CNTN5: variants seen among roughly 807,000 people sequenced by gnomAD.
CNTN5 encodes the protein contactin-5.
Under a neutral mutation model 129.1 loss-of-function variants are expected in CNTN5, and 77 were observed. The ratio of observed to expected loss-of-function variants is 0.60; its 90% CI spans 0.50 to 0.72. CNTN5 has a LOEUF of 0.72. Among genes scored for constraint, CNTN5 ranks in the 30% least tolerant of loss-of-function variants. The probability of loss-of-function intolerance (pLI) is 0.00; values close to 1 mark genes in which losing one functional copy is unlikely to be tolerated. For missense variants in CNTN5, 1,478 were observed against 1,328.8 expected (o/e 1.11, Z -1.75); for synonymous variants, 509 against 465.6 (o/e 1.09, Z -1.20).
At chr11:100,098,278 T>C (rs907943951) in intron 13 of CNTN5, among the ~76,000 whole-genome samples, 3 of 152,128 alleles carry the variant, frequency 2.0e-5, no homozygotes, top group African/African-American at 7.2e-5. Context: ...TATTCATCTT[T>C]TGTTGTATTC....
chr11:99,057,570 A>C (rs1864672475), intron 1 of CNTN5, among the ~76,000 whole-genome samples: 1 of 152,082 alleles, frequency 6.6e-6, no homozygotes, highest in Non-Finnish European at 1.5e-5. Flanking sequence ...TATGTCTTTT[A>C]TTGAACATGA....
intron 6 of CNTN5, among the ~76,000 whole-genome samples, chr11:99,849,170 C>G (rs1027488624): frequency 6.6e-6 from 1 of 151,324 alleles, no homozygotes; most frequent in African/African-American, 2.4e-5. Context: ...ATCAAATTAT[C>G]CATATACTAA....
intron 3 of CNTN5, among the ~76,000 whole-genome samples, chr11:99,658,989 G>C (rs1358994187): frequency 4.0e-5 from 6 of 151,726 alleles, no homozygotes; most frequent in Admixed American, 2.0e-4. Flanking sequence ...CATTTACAGG[G>C]CTGCAGCACA....
intron 13 of CNTN5, among the ~76,000 whole-genome samples, chr11:100,122,963 G>A (rs1946075954): frequency 6.6e-6 from 1 of 152,014 alleles, no homozygotes; most frequent in Non-Finnish European, 1.5e-5. Flanking sequence ...AATATGTTTT[G>A]TAGATAATTT....
At chr11:99,179,692 C>T (rs1338055355) in intron 1 of CNTN5, among the ~76,000 whole-genome samples, 1 of 152,140 alleles carries the variant, frequency 6.6e-6, no homozygotes, top group African/African-American at 2.4e-5. Flanking sequence ...ATAATTTCCA[C>T]ACTTGCCTCA....
chr11:99,036,968 G>A (rs1215402239), intron 1 of CNTN5, among the ~76,000 whole-genome samples: 1 of 152,068 alleles, frequency 6.6e-6, no homozygotes, highest in East Asian at 1.9e-4. Flanking sequence ...AATGCTTTGA[G>A]GCATTGCCAG....
intron 7 of CNTN5, among the ~76,000 whole-genome samples, chr11:99,918,533 T>C (rs1949852502): frequency 6.6e-6 from 1 of 152,284 alleles, no homozygotes; most frequent in Admixed American, 6.5e-5. Flanking sequence ...ATGCATCCTA[T>C]TACGTTGTGA....
intron 1 of CNTN5, among the ~76,000 whole-genome samples, chr11:99,197,216 T>G (rs1858947969): frequency 6.6e-6 from 1 of 152,004 alleles, no homozygotes; most frequent in African/African-American, 2.4e-5. Context: ...ACATATTCTT[T>G]GACCACAAAA....
chr11:99,140,792 C>T, intron 1 of CNTN5, among the ~76,000 whole-genome samples: 1 of 152,002 alleles, frequency 6.6e-6, no homozygotes, highest in East Asian at 1.9e-4. Flanking sequence ...GGATGAATCA[C>T]ATTTATTCAT....
intron 3 of CNTN5, among the ~76,000 whole-genome samples, chr11:99,613,958 A>C (rs2135739368): frequency 6.6e-6 from 1 of 152,332 alleles, no homozygotes; most frequent in African/African-American, 2.4e-5. Flanking sequence ...ATGTTTCCTG[A>C]ATTGTTTTCT....
intron 2 of CNTN5, among the ~76,000 whole-genome samples, chr11:99,404,762 C>G (rs1405572817): frequency 6.6e-6 from 1 of 152,060 alleles, no homozygotes; most frequent in Non-Finnish European, 1.5e-5. Context: ...ACCACAGTTA[C>G]AATGTCATAG....
At chr11:99,618,102 C>T (rs61638629) in intron 3 of CNTN5, among the ~76,000 whole-genome samples, 8 of 151,984 alleles carry the variant, frequency 5.3e-5, no homozygotes, top group African/African-American at 1.4e-4. Context: ...AAAAGAAATA[C>T]CTAAAACTTG....
At chr11:99,699,937 G>A (rs181972504) in intron 3 of CNTN5, among the ~76,000 whole-genome samples, 1 of 151,440 alleles carries the variant, frequency 6.6e-6, no homozygotes. Flanking sequence ...AGAGCACTTT[G>A]CAAACCCTAA....
At position 99,844,893 on chromosome 11, in the gene CNTN5, G is replaced by A. The variant is rs759200919; in HGVS notation, c.319G>A (p.Asp107Asn). Residue 107 changes from aspartate (D) to asparagine (N), a missense_variant, in exon 5 of 25, where the codon GAT (aspartate) becomes AAT (asparagine). Asp to Asn is a conservative substitution (Grantham distance 23, BLOSUM62 1). Coordinates refer to ENST00000524871, the MANE Select transcript of CNTN5 (RefSeq NM_014361.4). ...YGPVFVQEPD[D>N]IIFPTDSDEK... is the part of the protein sequence containing the mutation. ...GCCAGTTTTTGTGCAAGAACCAGAT[G>A]ATATTATTTTTCCAACTGATTCTGA... 9 of 1,613,710 alleles carry A rather than the reference G, an allele frequency of 5.6e-6. No homozygotes were observed. The East Asian group carries it at 1.3e-4, about 24-fold the overall frequency.
intron 3 of CNTN5, among the ~76,000 whole-genome samples, chr11:99,789,522 G>T (rs1472871870): frequency 1.3e-5 from 2 of 151,948 alleles, no homozygotes; most frequent in African/African-American, 4.8e-5. Context: ...ATACCTTACT[G>T]TAGATGTAAT....
At chr11:99,161,796 T>C (rs10736521) in intron 1 of CNTN5, among the ~76,000 whole-genome samples, 138,344 of 152,214 alleles carry the variant, frequency 0.91, 63,128 homozygotes, top group East Asian at 0.99. Flanking sequence ...ATAGATTGAA[T>C]TCTGAGGATG....
intron 8 of CNTN5, among the ~76,000 whole-genome samples, chr11:99,963,096 C>T (rs906087776): frequency 6.6e-6 from 1 of 152,250 alleles, no homozygotes; most frequent in South Asian, 2.1e-4. Context: ...AATTTTCTCC[C>T]ATTCTGTAGG....
intron 2 of CNTN5, among the ~76,000 whole-genome samples, chr11:99,480,245 A>C (rs1945539596): frequency 6.6e-6 from 1 of 152,108 alleles, no homozygotes; most frequent in Admixed American, 6.6e-5. Flanking sequence ...TATCTTCTCC[A>C]TGCCTTTCCT....
intron 3 of CNTN5, among the ~76,000 whole-genome samples, chr11:99,744,187 A>G (rs1312001014): frequency 6.6e-6 from 1 of 152,110 alleles, no homozygotes; most frequent in Admixed American, 6.6e-5. Context: ...TCTCTTTGTA[A>G]ACAAAGCAAC....
Sources: gnomAD v4.1 joint callset for allele counts (sites outside exome capture counted in the v4.1 genomes callset) on GRCh38, gnomAD v4.1.1 for gene constraint, MANE v1.5 for transcripts, NCBI Gene and HGNC (gene_info 2026-07-23, HGNC 2026-07-21) for gene names.